EPHB1: variants seen among roughly 807,000 people sequenced by gnomAD.
EPHB1 encodes EPH receptor B1.
A neutral mutation model predicts 94.4 loss-of-function variants in EPHB1; 30 were observed. That is an observed-to-expected ratio of 0.32 (90% confidence interval 0.24 to 0.43). The LOEUF is 0.43. EPHB1 is among the 20% of genes least tolerant of loss of function. The probability of loss-of-function intolerance (pLI) is 1.00; values close to 1 mark genes in which losing one functional copy is unlikely to be tolerated. For synonymous variants in EPHB1, 522 were observed against 489.1 expected (o/e 1.07, Z -0.89); for missense variants, 1,055 against 1,308.3 (o/e 0.81, Z 2.99).
chr3:135,168,932 C>T (rs1316137676), intron 9 of EPHB1, among the ~76,000 whole-genome samples: 1 of 152,152 alleles, frequency 6.6e-6, no homozygotes, highest in Non-Finnish European at 1.5e-5. Context: ...GCTCCCTTTC[C>T]AAAAGCGTGC....
chr3:135,130,900 G>A (rs114636697), intron 4 of EPHB1, among the ~76,000 whole-genome samples: 1 of 152,316 alleles, frequency 6.6e-6, no homozygotes, highest in African/African-American at 2.4e-5. Context: ...AACAAGAGTT[G>A]CGTTGACTGC....
At chr3:134,941,099 A>G (rs1163689318) in intron 2 of EPHB1, among the ~76,000 whole-genome samples, 1 of 152,228 alleles carries the variant, frequency 6.6e-6, no homozygotes, top group Non-Finnish European at 1.5e-5. Context: ...ATGATGCAGC[A>G]TCATGATAGT....
At chr3:135,179,304 T>C (rs1315156760) in intron 9 of EPHB1, among the ~76,000 whole-genome samples, 1 of 152,182 alleles carries the variant, frequency 6.6e-6, no homozygotes, top group Non-Finnish European at 1.5e-5. Flanking sequence ...TCTCTTCACA[T>C]TTTCTCTTCT....
chr3:135,230,701 C>T lies in EPHB1; in HGVS notation c.2347-10447C>T, dbSNP rs553581107. Among the ~76,000 whole-genome samples, 7 of 152,168 alleles carry T rather than the reference C, an allele frequency of 4.6e-5. No homozygotes were observed. The East Asian group carries it at 1.4e-3, about 29-fold the overall frequency. On this transcript the variant is annotated intron_variant, in intron 12 of 15. Transcript: ENST00000398015. Reference sequence around the variant, plus strand: ...GCATAGAACCCAATAAGTAGTTTTTCAACCCATGCCTCCCTCCCTCCCTCT... The same window carrying T: ...GCATAGAACCCAATAAGTAGTTTTTTAACCCATGCCTCCCTCCCTCCCTCT...
intron 3 of EPHB1, among the ~76,000 whole-genome samples, chr3:135,051,872 C>A (rs1006098571): frequency 6.6e-6 from 1 of 152,170 alleles, no homozygotes; most frequent in Admixed American, 6.5e-5. Context: ...ATAACAGCAT[C>A]TTTCATTCCT....
At chr3:134,803,472 C>T (rs1236312787) in intron 1 of EPHB1, among the ~76,000 whole-genome samples, 5 of 152,128 alleles carry the variant, frequency 3.3e-5, no homozygotes, top group Non-Finnish European at 7.3e-5. Flanking sequence ...GGCTTGTCTG[C>T]ACAGTCTTGA....
At chr3:134,982,353 G>C (rs757911749) in intron 3 of EPHB1, among the ~76,000 whole-genome samples, 17 of 152,162 alleles carry the variant, frequency 1.1e-4, no homozygotes, top group Non-Finnish European at 2.1e-4. Flanking sequence ...ATAGAGAAAA[G>C]CAAAGAAGGA....
intron 3 of EPHB1, among the ~76,000 whole-genome samples, chr3:135,080,702 C>T (rs145161969): frequency 6.6e-6 from 1 of 152,226 alleles, no homozygotes; most frequent in East Asian, 1.9e-4. Flanking sequence ...AACACACCTT[C>T]CCTGTACTTT....
intron 1 of EPHB1, among the ~76,000 whole-genome samples, chr3:134,823,218 C>T (rs1319541222): frequency 6.6e-6 from 1 of 152,172 alleles, no homozygotes; most frequent in East Asian, 1.9e-4. Flanking sequence ...CAACTGCCTC[C>T]TTGATGGAGA....
At chr3:135,035,961 A>G (rs1296229929) in intron 3 of EPHB1, among the ~76,000 whole-genome samples, 2 of 152,226 alleles carry the variant, frequency 1.3e-5, no homozygotes, top group Non-Finnish European at 2.9e-5. Flanking sequence ...GAGGGGCATA[A>G]GTGTATGGAA....
intron 12 of EPHB1, among the ~76,000 whole-genome samples, chr3:135,223,600 A>G (rs1943321964): frequency 6.6e-6 from 1 of 152,140 alleles, no homozygotes; most frequent in African/African-American, 2.4e-5. Context: ...AAGCTAGGAG[A>G]TTGTCCATAT....
intron 3 of EPHB1, among the ~76,000 whole-genome samples, chr3:135,075,499 A>G (rs1376137312): frequency 2.6e-5 from 4 of 152,082 alleles, no homozygotes; most frequent in Admixed American, 6.6e-5. Context: ...TGTTGCTCCC[A>G]TGGACCTGCT....
intron 3 of EPHB1, among the ~76,000 whole-genome samples, chr3:135,094,135 C>G (rs1289398374): frequency 6.6e-6 from 1 of 152,240 alleles, no homozygotes; most frequent in African/African-American, 2.4e-5. Context: ...CCATTTGCCT[C>G]TCTGGGTCCT....
At chr3:134,800,517 C>T (rs1182870132) in intron 1 of EPHB1, among the ~76,000 whole-genome samples, 2 of 133,668 alleles carry the variant, frequency 1.5e-5, no homozygotes, top group Non-Finnish European at 3.0e-5. Flanking sequence ...CTACAGACTC[C>T]TGGGTCCTAA....
chr3:134,894,068 C>G (rs1480338706), intron 1 of EPHB1, among the ~76,000 whole-genome samples: 1 of 152,220 alleles, frequency 6.6e-6, no homozygotes, highest in Non-Finnish European at 1.5e-5. Context: ...TTCCTCCCCA[C>G]TTACCAAGCT....
At chr3:134,982,976 C>T (rs571427064) in intron 3 of EPHB1, among the ~76,000 whole-genome samples, 5 of 152,328 alleles carry the variant, frequency 3.3e-5, no homozygotes, top group Admixed American at 2.6e-4. Flanking sequence ...TTGTTTTCCA[C>T]GATTACTCTG....
At chr3:134,977,940 C>T (rs533850260) in intron 3 of EPHB1, 195 of 455,876 alleles carry the variant, frequency 4.3e-4, no homozygotes, top group Non-Finnish European at 7.1e-4. Flanking sequence ...TGCCTGATGC[C>T]ATCCATTCTG....
chr3:135,208,887 T>A (rs1489236931), intron 12 of EPHB1, among the ~76,000 whole-genome samples: 1 of 152,114 alleles, frequency 6.6e-6, no homozygotes, highest in Admixed American at 6.5e-5. Context: ...CAGGACTCAT[T>A]AGAGACATGG....
chr3:135,112,237 A>G (rs1448059106), intron 4 of EPHB1, among the ~76,000 whole-genome samples: 1 of 152,166 alleles, frequency 6.6e-6, no homozygotes, highest in Non-Finnish European at 1.5e-5. Context: ...CTAGGAGGAA[A>G]TCAGACCAAG....
Sources: allele counts gnomAD v4.1 joint callset (sites outside exome capture counted in the v4.1 genomes callset), GRCh38; gene constraint gnomAD v4.1.1; transcripts MANE v1.5; gene names NCBI Gene and HGNC (gene_info 2026-07-23, HGNC 2026-07-21).